Variants in COL19A1 observed in about 807,000 individuals in gnomAD.
The protein encoded by COL19A1 is collagen alpha-1(XIX) chain.
COL19A1 carries 159 observed loss-of-function variants against 190.2 expected under a neutral mutation model. That is an observed-to-expected ratio of 0.84 (90% CI 0.73 to 0.95). COL19A1 has a LOEUF of 0.95. COL19A1 is among the 40% of genes least tolerant of loss of function. COL19A1 has a pLI of 0.00. For synonymous variants in COL19A1, 509 were observed against 458.9 expected, an observed-to-expected ratio of 1.11 and a Z score of -1.39; for missense variants, 1,418 against 1,431.9, an observed-to-expected ratio of 0.99 and a Z score of 0.16.
intron 17 of COL19A1, among the ~76,000 whole-genome samples, chr6:70,122,859 T>C (rs1784961970): frequency 6.6e-6 from 1 of 152,168 alleles, no homozygotes; most frequent in South Asian, 2.1e-4. Flanking sequence ...AAGGTCAACA[T>C]AAAGACTTAG....
intron 12 of COL19A1, among the ~76,000 whole-genome samples, chr6:70,032,591 A>AT (rs954339631): frequency 6.8e-4 from 104 of 152,294 alleles, no homozygotes; most frequent in Admixed American, 1.2e-3. Context: ...AACTGTTATC[A>AT]TTTAAGCATA....
chr6:69,898,419 G>A (rs1054927021), intron 2 of COL19A1, among the ~76,000 whole-genome samples: 2 of 152,112 alleles, frequency 1.3e-5, no homozygotes, highest in African/African-American at 4.8e-5. Flanking sequence ...TAGCACATAA[G>A]TACACTTTCT....
intron 15 of COL19A1, among the ~76,000 whole-genome samples, chr6:70,100,991 T>A (rs1783592340): frequency 6.6e-6 from 1 of 152,134 alleles, no homozygotes; most frequent in African/African-American, 2.4e-5. Context: ...CATTTAGACC[T>A]CCTACCCCAC....
chr6:69,921,420 TATATATCATATATATCATATATATC>T (rs1561998099), intron 4 of COL19A1, among the ~76,000 whole-genome samples: 4 of 115,454 alleles, frequency 3.5e-5, no homozygotes, highest in African/African-American at 8.2e-5. Flanking sequence ...TCATATATCA[TATATATCATATATATCATATATATC>T]ATATATCATA....
rs1288566562 is a variant in COL19A1 at position 70,048,571 on chromosome 6, G to A, written c.1170+12632G>A. Among the ~76,000 whole-genome samples, 3 of 152,058 alleles carry A rather than the reference G, an allele frequency of 2.0e-5. No homozygotes were observed. The East Asian group carries it at 5.8e-4, about 29-fold the overall frequency. On this transcript the variant is annotated intron_variant, in intron 14 of 50. Coordinates refer to ENST00000620364, the MANE Select transcript of COL19A1 (RefSeq NM_001858.6). ...TTTAAAATGATCGTTTGTGAATTGT[G>A]TATAAAAAGTTTACAAGTATTTGTA... is the stretch of plus-strand genomic sequence containing the variant.
At chr6:70,007,926 A>G (rs917355670) in intron 11 of COL19A1, among the ~76,000 whole-genome samples, 2 of 152,104 alleles carry the variant, frequency 1.3e-5, no homozygotes, top group Middle Eastern at 6.8e-3. Flanking sequence ...AAAAATCTCT[A>G]TTAAATCTTC....
chr6:70,166,432 C>G (rs1328034328), intron 37 of COL19A1, among the ~76,000 whole-genome samples: 1 of 152,214 alleles, frequency 6.6e-6, no homozygotes, highest in Non-Finnish European at 1.5e-5. Context: ...ATTTATGTAG[C>G]TCTTAGTGAA....
At chr6:70,100,717 A>G (rs567149835) in intron 15 of COL19A1, among the ~76,000 whole-genome samples, 22 of 152,004 alleles carry the variant, frequency 1.4e-4, no homozygotes, top group African/African-American at 5.1e-4. Flanking sequence ...ACCTCAGGTG[A>G]TCCGCCTGCC....
chr6:69,878,417 T>C (rs1368659370), intron 1 of COL19A1, among the ~76,000 whole-genome samples: 1 of 151,970 alleles, frequency 6.6e-6, no homozygotes, highest in East Asian at 1.9e-4. Flanking sequence ...GGTTTCTCCA[T>C]ATTGGCCAGG....
intron 35 of COL19A1, among the ~76,000 whole-genome samples, 195 bp downstream of exon 35, chr6:70,162,148 C>T (rs921361458): frequency 6.6e-6 from 1 of 152,142 alleles, no homozygotes; most frequent in Non-Finnish European, 1.5e-5. Context: ...GTCCTGGGGA[C>T]TTGCCTCAGA....
At position 70,071,565 on chromosome 6, in the gene COL19A1, A is replaced by G. The variant is rs554847431; in HGVS notation, c.1224+3089A>G. ...TTTTTTGGATCTTTTATATGCCATT[A>G]TTTATTTATTTACTTTGTCTTCTTG... On this transcript the variant is annotated intron_variant, in intron 15 of 50. Coordinates refer to ENST00000620364, the MANE Select transcript of COL19A1 (RefSeq NM_001858.6). Among the ~76,000 whole-genome samples, 9 of 152,020 alleles carry G rather than the reference A, an allele frequency of 5.9e-5. No homozygotes were observed. In the South Asian group the frequency reaches 1.9e-3, roughly 32 times the overall value.
intron 19 of COL19A1, among the ~76,000 whole-genome samples, chr6:70,138,780 C>T (rs1381732047): frequency 2.0e-5 from 3 of 152,096 alleles, no homozygotes; most frequent in Admixed American, 1.3e-4. Context: ...CGTGCTTGCC[C>T]TTAGTATTCA....
intron 14 of COL19A1, among the ~76,000 whole-genome samples, chr6:70,056,254 T>G (rs1285297674): frequency 6.6e-6 from 1 of 152,198 alleles, no homozygotes; most frequent in South Asian, 2.1e-4. Flanking sequence ...ACTTTCACAC[T>G]TGATTGATAG....
intron 14 of COL19A1, among the ~76,000 whole-genome samples, chr6:70,049,909 G>T (rs1780109863): frequency 6.6e-6 from 1 of 151,948 alleles, no homozygotes; most frequent in Admixed American, 6.6e-5. Context: ...AATCTTTGTG[G>T]TAATGCCTTA....
chr6:70,125,216 A>C (rs1181262149), intron 17 of COL19A1, among the ~76,000 whole-genome samples: 1 of 152,196 alleles, frequency 6.6e-6, no homozygotes, highest in Non-Finnish European at 1.5e-5. Context: ...AGACATAGCA[A>C]GTGACACTCC....
intron 35 of COL19A1, among the ~76,000 whole-genome samples, chr6:70,162,355 A>G (rs1336811674): frequency 6.6e-6 from 1 of 152,098 alleles, no homozygotes; most frequent in East Asian, 1.9e-4. Flanking sequence ...GATTTCATTT[A>G]TTTTTGTTCC....
chr6:70,178,267 C>T (rs1765939331), intron 42 of COL19A1, among the ~76,000 whole-genome samples: 1 of 151,958 alleles, frequency 6.6e-6, no homozygotes, highest in African/African-American at 2.4e-5. Flanking sequence ...GTCCCAACTG[C>T]TTGGAGGCTG....
chr6:70,139,621 T>C (rs774534790), intron 19 of COL19A1, among the ~76,000 whole-genome samples: 1 of 152,066 alleles, frequency 6.6e-6, no homozygotes, highest in African/African-American at 2.4e-5. Context: ...TAGACTTTAC[T>C]TTGCATAATA....
chr6:70,047,643 T>A (rs1219817188), intron 14 of COL19A1, among the ~76,000 whole-genome samples: 1 of 152,160 alleles, frequency 6.6e-6, no homozygotes, highest in Non-Finnish European at 1.5e-5. Flanking sequence ...AACCTTAATT[T>A]TATATAAATG....
Sources: gnomAD v4.1 joint callset for allele counts (sites outside exome capture counted in the v4.1 genomes callset) on GRCh38, gnomAD v4.1.1 for gene constraint, MANE v1.5 for transcripts, NCBI Gene and HGNC (gene_info 2026-07-23, HGNC 2026-07-21) for gene names.